The following EDIL3 variants were observed in gnomAD, a reference collection of about 807,000 sequenced individuals.
EDIL3 encodes the protein EGF like and discoidin domains 3.
Under a neutral mutation model 67.4 loss-of-function variants are expected in EDIL3, and 37 were observed. The ratio of observed to expected loss-of-function variants is 0.55; its 90% CI spans 0.42 to 0.72. The LOEUF (loss-of-function observed/expected upper bound fraction) is 0.72, where lower values mean the gene tolerates loss of function less well. Ranked by LOEUF, EDIL3 falls within the 30% of genes least tolerant of loss-of-function variation. The probability of loss-of-function intolerance (pLI) is 0.00; values close to 1 mark genes in which losing one functional copy is unlikely to be tolerated. For synonymous variants in EDIL3, 195 were observed against 196.3 expected (o/e 0.99, Z 0.05); for missense variants, 527 against 586.3 (o/e 0.90, Z 1.04).
chr5:84,232,492 T>G (rs1256735236), intron 2 of EDIL3, among the ~76,000 whole-genome samples: 1 of 152,166 alleles, frequency 6.6e-6, no homozygotes, highest in Non-Finnish European at 1.5e-5. Context: ...AGTACAGAAA[T>G]GAAGACAATT....
chr5:84,255,242 C>T (rs1745103842), intron 1 of EDIL3, among the ~76,000 whole-genome samples: 1 of 152,192 alleles, frequency 6.6e-6, no homozygotes, highest in African/African-American at 2.4e-5. Flanking sequence ...GCCAGAAAGA[C>T]ATGGCCCAAC....
At chr5:83,949,952 T>C (rs756761747) in intron 10 of EDIL3, among the ~76,000 whole-genome samples, 3 of 151,802 alleles carry the variant, frequency 2.0e-5, no homozygotes, top group Non-Finnish European at 2.9e-5. Context: ...GCTTGACCAC[T>C]GAAAAGGAGG....
At position 84,169,314 on chromosome 5, in the gene EDIL3, T is replaced by C. The variant is rs189955123; in HGVS notation, c.355+11079A>G. 8.5e-5 allele frequency among the ~76,000 whole-genome samples: 13 copies of C among 152,232 alleles called. No homozygotes were observed. In the East Asian group the frequency reaches 2.5e-3, roughly 29 times the overall value. ...TATTTTAATCAGTTATCCTCAATGG[T>C]TAACATTTTACAAACTACAGTATAA... On this transcript the variant is annotated intron_variant, in intron 4 of 10. Transcript: ENST00000296591.
intron 1 of EDIL3, among the ~76,000 whole-genome samples, chr5:84,266,803 C>T (rs1745361555): frequency 6.6e-6 from 1 of 152,164 alleles, no homozygotes; most frequent in Non-Finnish European, 1.5e-5. Flanking sequence ...TTGCACAAAT[C>T]CCCAAATTTC....
intron 1 of EDIL3, among the ~76,000 whole-genome samples, chr5:84,293,207 T>C (rs1745963838): frequency 6.6e-6 from 1 of 152,208 alleles, no homozygotes; most frequent in African/African-American, 2.4e-5. Flanking sequence ...CCATTTAAAA[T>C]GTTTTCTCAC....
Position 84,064,773 on chromosome 5 carries a change from A to G in EDIL3, c.879T>C (p.Tyr293=). The change falls in exon 8 of 11, where the codon TAT becomes TAC. Residue 293 remains tyrosine (Y), a synonymous_variant. Transcript: ENST00000296591. ...GACAAACTTGGGGATAGAGTCTTAC[A>G]TACTGAGCTTTTATGGGGGGTGTGA... The part of the protein sequence containing the change: ...NSFTPPIKAQ[Y]VRLYPQVCRR... 6.2e-6 allele frequency: 10 copies of G among 1,614,044 alleles called. No individual in the cohort carries two copies. Among genetic ancestry groups the G allele is most frequent in the Non-Finnish European group, 8.5e-6 (10 of 1,179,918 alleles).
At chr5:84,310,426 C>T (rs1338121780) in intron 1 of EDIL3, among the ~76,000 whole-genome samples, 2 of 152,070 alleles carry the variant, frequency 1.3e-5, no homozygotes, top group African/African-American at 2.4e-5. Context: ...ACAGTATGTT[C>T]CTTTTCCTTT....
intron 3 of EDIL3, among the ~76,000 whole-genome samples, chr5:84,204,195 T>C (rs1580375317): frequency 6.6e-6 from 1 of 152,202 alleles, no homozygotes; most frequent in Non-Finnish European, 1.5e-5. Flanking sequence ...AAAGTTGTTA[T>C]CAGTTTCCAA....
chr5:84,092,201 T>A (rs181904243), intron 6 of EDIL3, among the ~76,000 whole-genome samples: 170 of 152,322 alleles, frequency 1.1e-3, no homozygotes, highest in East Asian at 3.3e-3. Context: ...GAATTTTTTT[T>A]ATGATAAAAG....
At chr5:84,015,035 A>C (rs1454484476) in intron 9 of EDIL3, among the ~76,000 whole-genome samples, 1 of 152,206 alleles carries the variant, frequency 6.6e-6, no homozygotes, top group Admixed American at 6.5e-5. Flanking sequence ...TGATAAAATA[A>C]ACTGCTCTTA....
At chr5:83,977,479 ACT>A (rs1219014828) in intron 9 of EDIL3, among the ~76,000 whole-genome samples, 2 of 151,744 alleles carry the variant, frequency 1.3e-5, no homozygotes, top group East Asian at 3.9e-4. Context: ...GCGAAGCTTC[ACT>A]CTCTGTCTTC....
At chr5:84,056,350 T>C (rs1729350347) in intron 9 of EDIL3, among the ~76,000 whole-genome samples, 1 of 151,886 alleles carries the variant, frequency 6.6e-6, no homozygotes, top group Admixed American at 6.6e-5. Flanking sequence ...AGGTATACCA[T>C]TAGGAGACAT....
At chr5:84,258,757 G>A (rs1013782440) in intron 1 of EDIL3, among the ~76,000 whole-genome samples, 4 of 152,096 alleles carry the variant, frequency 2.6e-5, no homozygotes, top group African/African-American at 4.8e-5. Context: ...TAGTACAGAT[G>A]TGGGTTGATA....
At position 84,001,476 on chromosome 5, in the gene EDIL3, T is replaced by TA. The variant is rs536387824; in HGVS notation, c.1138-38117dup. Among the ~76,000 whole-genome samples the TA allele has an allele frequency of 1.0e-3, 156 of 149,634 alleles. 3 individuals are homozygous for TA. The highest frequency in any genetic ancestry group is 9.1e-3 in the South Asian group (43 of 4,734). ...GATCACAGTAGAAATAAACCAAACT[T>TA]AAAAAAAAATCAATGAAACAAAAAG... On this transcript the variant is annotated intron_variant, in intron 9 of 10. Coordinates refer to ENST00000296591, the MANE Select transcript of EDIL3 (RefSeq NM_005711.5).
chr5:84,272,612 GTAGTT>G (rs1745499423), intron 1 of EDIL3, among the ~76,000 whole-genome samples: 1 of 152,104 alleles, frequency 6.6e-6, no homozygotes, highest in African/African-American at 2.4e-5. Context: ...AAGTGAGAAA[GTAGTT>G]TAAGAGGCTT....
At chr5:84,012,920 G>C (rs1371381638) in intron 9 of EDIL3, among the ~76,000 whole-genome samples, 1 of 151,596 alleles carries the variant, frequency 6.6e-6, no homozygotes, top group Non-Finnish European at 1.5e-5. Flanking sequence ...AAATCTATTA[G>C]GTATATTATC....
intron 5 of EDIL3, among the ~76,000 whole-genome samples, chr5:84,108,649 T>G (rs1311848749): frequency 1.3e-5 from 2 of 152,208 alleles, no homozygotes; most frequent in Admixed American, 6.5e-5. Context: ...TTTACAGACT[T>G]CATAAACGTA....
chr5:84,096,133 G>A (rs1747258562), intron 6 of EDIL3, among the ~76,000 whole-genome samples: 2 of 152,196 alleles, frequency 1.3e-5, no homozygotes, highest in Admixed American at 1.3e-4. Flanking sequence ...TGCTAGGGCA[G>A]TGCAGAAGGG....
At chr5:84,065,126 G>A (rs964259628) in intron 7 of EDIL3, among the ~76,000 whole-genome samples, 6 of 152,086 alleles carry the variant, frequency 3.9e-5, no homozygotes, top group African/African-American at 4.8e-5. Flanking sequence ...CCAGGGCAGC[G>A]CTCTTCTCTT....
Sources: gnomAD v4.1 joint callset for allele counts (sites outside exome capture counted in the v4.1 genomes callset) on GRCh38, gnomAD v4.1.1 for gene constraint, MANE v1.5 for transcripts, NCBI Gene and HGNC (gene_info 2026-07-23, HGNC 2026-07-21) for gene names.